The following NEB variants were observed in gnomAD, a reference collection of about 807,000 sequenced individuals.
The protein encoded by NEB is nemaline myopathy type 2.
In NEB, 512 loss-of-function variants were observed where a neutral mutation model predicts 952.2. That is an observed-to-expected ratio of 0.54 (90% CI 0.50 to 0.58). NEB has a LOEUF of 0.58. Ranked by LOEUF, NEB falls within the 20% of genes least tolerant of loss-of-function variation. The pLI, the probability that NEB is intolerant of heterozygous loss-of-function variation, is 0.00. For missense variants in NEB, 8,428 were observed against 9,231.1 expected (o/e 0.91, Z 3.56); for synonymous variants, 2,900 against 3,149.8 (o/e 0.92, Z 2.66).
At chr2:151,680,892 T>C in intron 29 of NEB, 64 bp from the exon 30 acceptor site, 1 of 1,263,506 alleles carries the variant, frequency 7.9e-7, no homozygotes. Flanking sequence ...TACGTCAAAA[T>C]CCTTGAAATT....
intron 142 of NEB, among the ~76,000 whole-genome samples, chr2:151,533,873 A>C (rs2092455905): frequency 6.6e-6 from 1 of 152,154 alleles, no homozygotes; most frequent in Non-Finnish European, 1.5e-5. Flanking sequence ...CCTTCCATTA[A>C]TTTTTGTTTG....
At chr2:151,535,621 A>G (rs2093017225) in intron 142 of NEB, 70 bp downstream of exon 142, 2 of 985,774 alleles carry the variant, frequency 2.0e-6, no homozygotes, top group East Asian at 2.7e-5. Flanking sequence ...TTGGGCTTTA[A>G]TTTAAAAAAA....
Position 151,622,057 on chromosome 2 carries a change from T to C in NEB, c.10453-1031A>G, listed in dbSNP as rs1481469553. Among the ~76,000 whole-genome samples, 5 of 152,164 alleles carry C rather than the reference T, an allele frequency of 3.3e-5. No homozygotes were observed. The East Asian group carries it at 5.8e-4, about 18-fold the overall frequency. On this transcript the variant is annotated intron_variant, in intron 71 of 181. Transcript: ENST00000397345. ...GACAGTCTCACTCTGTCGCCCAGGC[T>C]GGAGTGCAGTGGCACAATCTCGGCT...
Position 151,617,238 on chromosome 2 carries a change from T to C in NEB, c.11181+126A>G, listed in dbSNP as rs531075623. The C allele has an allele frequency of 5.2e-6, 3 of 578,818 alleles. No individual in the cohort carries two copies. The Admixed American group carries it at 9.4e-5, about 18-fold the overall frequency. 35.9% of individuals were successfully genotyped at this position (578,818 alleles called of 1,614,324 possible). A position where few individuals can be genotyped will look rare whatever the true frequency, so the allele number is the denominator to read the frequency against. On this transcript the variant is annotated intron_variant, in intron 75 of 181. Coordinates refer to ENST00000397345, the MANE Select transcript of NEB (RefSeq NM_001164508.2). ...TCAAAATTGAATCAAGTGAGAACTA[T>C]CTCTTCTACTGAAAATGGTAGTTTG...
At chr2:151,614,175 G>C in intron 77 of NEB, 101 bp downstream of exon 77, 1 of 1,310,736 alleles carries the variant, frequency 7.6e-7, no homozygotes, top group Non-Finnish European at 1.1e-6. Flanking sequence ...TTATCCTAAA[G>C]AGGTGTCTGT....
intron 127 of NEB, among the ~76,000 whole-genome samples, chr2:151,553,050 C>T (rs1489080202): frequency 1.3e-5 from 2 of 152,196 alleles, no homozygotes; most frequent in African/African-American, 2.4e-5. Context: ...GTGGAAAATC[C>T]TCTCTTTACA....
At chr2:151,669,499 T>C (rs2099260262) in intron 38 of NEB, among the ~76,000 whole-genome samples, 1 of 152,166 alleles carries the variant, frequency 6.6e-6, no homozygotes, top group Admixed American at 6.5e-5. Context: ...GAAACAAGGA[T>C]GGTCAGTAAA....
In NEB at chr2:151,501,383, C is replaced by T. The variant is rs1361035933; in HGVS notation, c.24021+8G>A. 3.3e-6 allele frequency: 5 copies of T among 1,531,378 alleles called. No homozygotes were observed. The East Asian group carries it at 1.2e-4, about 38-fold the overall frequency. 94.9% of individuals were successfully genotyped at this position (1,531,378 alleles called of 1,614,324 possible). On this transcript the variant is annotated splice_region_variant and intron_variant, in intron 168 of 181. Coordinates refer to ENST00000397345, the MANE Select transcript of NEB (RefSeq NM_001164508.2). ...TAATATGGAGTTAAAGAGCTTTCTC[C>T]CAAATACCGAGCTAAAGTTTTCTTG...
At chr2:151,713,433 G>A (rs1321798134) in intron 10 of NEB, among the ~76,000 whole-genome samples, 1 of 152,116 alleles carries the variant, frequency 6.6e-6, no homozygotes, top group Non-Finnish European at 1.5e-5. Flanking sequence ...GAAATCAATG[G>A]AAATCTTTCC....
At chr2:151,697,820 A>C (rs1319385184) in intron 13 of NEB, among the ~76,000 whole-genome samples, 172 bp from the exon 14 acceptor site, 1 of 152,252 alleles carries the variant, frequency 6.6e-6, no homozygotes, top group Non-Finnish European at 1.5e-5. Context: ...TAATCCCAGC[A>C]CTTTAGGAGG....
At chr2:151,725,377 T>C in intron 6 of NEB, 76 bp downstream of exon 6, 1 of 1,184,642 alleles carries the variant, frequency 8.4e-7, no homozygotes, top group South Asian at 1.4e-5. Context: ...TCACAGCACA[T>C]ATTTAGAGCC....
intron 6 of NEB, 115 bp downstream of exon 6, chr2:151,725,338 C>G (rs1423882427): frequency 1.3e-6 from 1 of 796,852 alleles, no homozygotes; most frequent in Non-Finnish European, 2.0e-6. Context: ...GATTTGTGAA[C>G]TAGCTCATAG....
At position 151,643,843 on chromosome 2, in the gene NEB, C is replaced by T. The variant is rs557950249; in HGVS notation, c.7931G>A (p.Arg2644Gln). The part of the protein sequence containing the change: ...LPDQSDVIHA[R>Q]QAYDLQSDNL... ...ATCGCTCTGGAGGTCATAGGCCTGC[C>T]GAGCATGGATGACATCGCTCTGGTC... Residue 2644 changes from arginine to glutamine, a missense_variant, in exon 57 of 182, where the codon CGG becomes CAG. This residue lies in a region of NEB where 1,772 missense variants were observed against 1,960.3 expected (regional missense o/e 0.90). Transcript: ENST00000397345. The T allele has an allele frequency of 3.4e-5, 55 of 1,613,746 alleles. 1 individual carries two copies. Among genetic ancestry groups the T allele is most frequent in the Admixed American group, 3.3e-4 (20 of 60,010 alleles).
At chr2:151,707,054 T>A in intron 12 of NEB, 57 bp from the exon 13 acceptor site, 1 of 1,118,030 alleles carries the variant, frequency 8.9e-7, no homozygotes. Context: ...TGCCCCCGTC[T>A]CTATTATGAA....
intron 170 of NEB, 151 bp from the exon 171 acceptor site, chr2:151,497,869 T>C (rs1230887955): frequency 5.3e-6 from 8 of 1,507,314 alleles, no homozygotes; most frequent in East Asian, 2.5e-5. Flanking sequence ...GAAGCTGTTG[T>C]TGGGATAGGG....
intron 128 of NEB, among the ~76,000 whole-genome samples, 186 bp from the exon 129 acceptor site, chr2:151,552,031 G>A (rs974398677): frequency 6.6e-6 from 1 of 152,152 alleles, no homozygotes; most frequent in Non-Finnish European, 1.5e-5. Flanking sequence ...GATGGCCCAG[G>A]CACAAGAAGA....
chr2:151,518,602 G>A (rs566521476), intron 155 of NEB, among the ~76,000 whole-genome samples, 180 bp from the exon 156 acceptor site: 26 of 152,302 alleles, frequency 1.7e-4, no homozygotes, highest in Admixed American at 1.1e-3. Context: ...AGTATTGTCC[G>A]TTAAGATGTA....
intron 106 of NEB, 114 bp from the exon 107 acceptor site, chr2:151,575,913 G>T (rs2096811908): frequency 1.2e-6 from 1 of 836,114 alleles, no homozygotes; most frequent in African/African-American, 1.7e-5. Context: ...TCATGTTAGG[G>T]CAAAGATTTC....
chr2:151,669,774 A>G (rs200207568), intron 38 of NEB, among the ~76,000 whole-genome samples: 1 of 152,236 alleles, frequency 6.6e-6, no homozygotes, highest in African/African-American at 2.4e-5. Context: ...GAGGTTTTAC[A>G]CATAAGAGGG....
Sources: allele counts gnomAD v4.1 joint callset (sites outside exome capture counted in the v4.1 genomes callset), GRCh38; gene constraint gnomAD v4.1.1; regional missense constraint gnomAD v4.1.1; transcripts MANE v1.5; gene names NCBI Gene and HGNC (gene_info 2026-07-23, HGNC 2026-07-21).